Variants in ZNF722 observed in about 807,000 individuals in gnomAD.
The protein encoded by ZNF722 is zinc finger protein 479 pseudogene.
At chr7:64,012,706 G>A in the ZNF722 span, among the ~76,000 whole-genome samples, 2 of 152,192 alleles carry the variant, frequency 1.3e-5, no homozygotes, top group Non-Finnish European at 2.9e-5. Flanking sequence ...TGACTGGAGA[G>A]TTCTGTACAT....
the ZNF722 span, among the ~76,000 whole-genome samples, chr7:64,000,436 C>CTTTTT: frequency 0.2 from 4,707 of 23,830 alleles, 1,925 homozygotes; most frequent in Non-Finnish European, 0.25. Context: ...CATGCCCGGC[C>CTTTTT]TTTTTTTTTT....
the ZNF722 span, among the ~76,000 whole-genome samples, chr7:63,999,214 A>C: frequency 6.6e-6 from 1 of 152,128 alleles, no homozygotes; most frequent in Non-Finnish European, 1.5e-5. Flanking sequence ...TTTCCTCTGC[A>C]GTGGCTTTGC....
At chr7:64,016,845 A>C in the ZNF722 span, among the ~76,000 whole-genome samples, 1 of 152,334 alleles carries the variant, frequency 6.6e-6, no homozygotes, top group East Asian at 1.9e-4. Context: ...CTGGTGAGAA[A>C]CTAGAAATGT....
At chr7:64,005,491 T>TA in the ZNF722 span, 2 of 597,782 alleles carry the variant, frequency 3.3e-6, no homozygotes, top group Non-Finnish European at 6.0e-6. Flanking sequence ...GTCAGTCTTA[T>TA]AAGTGAGAAC....
At chr7:64,009,974 G>A in the ZNF722 span, among the ~76,000 whole-genome samples, 1 of 152,088 alleles carries the variant, frequency 6.6e-6, no homozygotes, top group East Asian at 1.9e-4. Flanking sequence ...GTCTTGGGAG[G>A]GTGTATGTGT....
At chr7:64,014,878 G>T in the ZNF722 span, 4 of 655,078 alleles carry the variant, frequency 6.1e-6, no homozygotes, top group Non-Finnish European at 1.0e-5. Flanking sequence ...GATTTTGTTA[G>T]GTTTATACAT....
chr7:64,004,452 AT>A, the ZNF722 span, among the ~76,000 whole-genome samples: 2 of 140,850 alleles, frequency 1.4e-5, no homozygotes, highest in Non-Finnish European at 3.0e-5. Context: ...ATATATATAT[AT>A]ATAAAATTAA....
chr7:64,009,576 A>T, the ZNF722 span, among the ~76,000 whole-genome samples: 3 of 152,208 alleles, frequency 2.0e-5, no homozygotes, highest in African/African-American at 7.2e-5. Context: ...CCAGCCTTGC[A>T]TCCCAGAGAT....
At chr7:64,007,230 G>GTGTATATATATATATATATATATATATA in the ZNF722 span, among the ~76,000 whole-genome samples, 4 of 138,494 alleles carry the variant, frequency 2.9e-5, no homozygotes, top group African/African-American at 8.7e-5. Flanking sequence ...GTTTGTGTGT[G>GTGTATATATATATATATATATATATATA]TATATATATA....
At chr7:64,004,425 A>AAAAAAAAAAAAAAT in the ZNF722 span, among the ~76,000 whole-genome samples, 2 of 61,120 alleles carry the variant, frequency 3.3e-5, no homozygotes, top group Admixed American at 2.3e-4. Context: ...AAAAAAAAAA[A>AAAAAAAAAAAAAAT]ATATATATAT....
the ZNF722 span, among the ~76,000 whole-genome samples, chr7:63,999,314 A>G: frequency 2.6e-5 from 4 of 152,138 alleles, no homozygotes; most frequent in Non-Finnish European, 5.9e-5. Flanking sequence ...ATCAGGGGAG[A>G]ATCCAGACTC....
the ZNF722 span, among the ~76,000 whole-genome samples, chr7:64,012,230 C>T: frequency 2.0e-5 from 3 of 152,288 alleles, no homozygotes; most frequent in African/African-American, 7.2e-5. Flanking sequence ...CCTCCTTTAG[C>T]TCGGAGAAGT....
the ZNF722 span, among the ~76,000 whole-genome samples, chr7:64,012,877 A>G: frequency 2.4e-3 from 373 of 152,314 alleles, no homozygotes; most frequent in Non-Finnish European, 4.6e-3. Context: ...TGGTAATCAT[A>G]GAGTTCTCAC....
At chr7:64,013,463 T>G in the ZNF722 span, among the ~76,000 whole-genome samples, 2 of 152,058 alleles carry the variant, frequency 1.3e-5, no homozygotes, top group Non-Finnish European at 2.9e-5. Context: ...TTCTTTATGC[T>G]ACATTAGAGA....
chr7:64,015,198 G>C, the ZNF722 span: 47 of 1,281,868 alleles, frequency 3.7e-5, no homozygotes, highest in East Asian at 8.3e-4. Flanking sequence ...TTATAATGAA[G>C]TTAAGCAATG....
At chr7:64,013,126 A>T in the ZNF722 span, among the ~76,000 whole-genome samples, 1 of 152,166 alleles carries the variant, frequency 6.6e-6, no homozygotes, top group Non-Finnish European at 1.5e-5. Flanking sequence ...TATTTTCTGT[A>T]GCATTGCAAA....
At chr7:64,015,253 T>C in the ZNF722 span, 1 of 1,201,416 alleles carries the variant, frequency 8.3e-7, no homozygotes, top group Non-Finnish European at 1.2e-6. Flanking sequence ...CATAAGTGTG[T>C]CATAGTCTTT....
At chr7:63,999,784 C>T in the ZNF722 span, among the ~76,000 whole-genome samples, 6 of 151,780 alleles carry the variant, frequency 4.0e-5, no homozygotes, top group Non-Finnish European at 7.4e-5. Context: ...TGCAACCTCC[C>T]CCTCTCGGGT....
the ZNF722 span, among the ~76,000 whole-genome samples, chr7:64,004,654 A>C: frequency 6.6e-6 from 1 of 151,880 alleles, no homozygotes; most frequent in Non-Finnish European, 1.5e-5. Flanking sequence ...TATTAAGTAC[A>C]CTTAGGAGAT....
Sources: allele counts gnomAD v4.1 joint callset (sites outside exome capture counted in the v4.1 genomes callset), GRCh38; gene constraint gnomAD v4.1.1; transcripts MANE v1.5; gene names NCBI Gene and HGNC (gene_info 2026-07-23, HGNC 2026-07-21).